Variants in CYBRD1 observed in about 807,000 individuals in gnomAD.
The protein encoded by CYBRD1 is plasma membrane ascorbate-dependent reductase CYBRD1.
Under a neutral mutation model 21.9 loss-of-function variants are expected in CYBRD1, and 14 were observed. The ratio of observed to expected loss-of-function variants is 0.64; its 90% CI spans 0.42 to 1.00. The LOEUF is 1.00. Ranked by LOEUF, CYBRD1 falls within the 50% of genes least tolerant of loss-of-function variation. The pLI is 0.00. For missense variants in CYBRD1, 328 were observed against 352.5 expected, an observed-to-expected ratio of 0.93 and a Z score of 0.56; for synonymous variants, 146 against 136.5, an observed-to-expected ratio of 1.07 and a Z score of -0.48.
chr2:171,555,546 A>G lies in CYBRD1; in HGVS notation c.*719A>G, dbSNP rs1240295641. On this transcript the variant is annotated 3_prime_UTR_variant, in exon 4 of 4. Coordinates refer to ENST00000321348, the MANE Select transcript of CYBRD1 (RefSeq NM_024843.4). ...CTAGGGTTGATGTACTTTATGATCC[A>G]GATGCTAAACTTCTTAGAATGAAAA... 1 of 152,304 alleles carries G rather than the reference A, an allele frequency of 6.6e-6. No homozygotes were observed. Among genetic ancestry groups the G allele is most frequent in the African/African-American group, 2.4e-5 (1 of 41,460 alleles). The allele number at this position is 152,304 out of a possible 1,614,324, so 9.4% of individuals were successfully genotyped here.
At chr2:171,544,977 A>G (rs1460046384) in intron 2 of CYBRD1, among the ~76,000 whole-genome samples, 1 of 152,000 alleles carries the variant, frequency 6.6e-6, no homozygotes, top group African/African-American at 2.4e-5. Context: ...CGTCTGTACA[A>G]AAGATATAAA....
At chr2:171,530,339 A>G (rs749560481) in intron 1 of CYBRD1, among the ~76,000 whole-genome samples, 1 of 152,230 alleles carries the variant, frequency 6.6e-6, no homozygotes, top group Non-Finnish European at 1.5e-5. Context: ...GGGAAGCCCA[A>G]AGTATTGGCA....
intron 2 of CYBRD1, among the ~76,000 whole-genome samples, chr2:171,546,259 T>G (rs2105342888): frequency 6.6e-6 from 1 of 152,342 alleles, no homozygotes; most frequent in South Asian, 2.1e-4. Flanking sequence ...GTTACTTCTC[T>G]GAATTTCTTT....
chr2:171,554,132 A>G (rs565115225), intron 3 of CYBRD1, among the ~76,000 whole-genome samples: 1 of 152,270 alleles, frequency 6.6e-6, no homozygotes, highest in Non-Finnish European at 1.5e-5. Flanking sequence ...AGATACTTTC[A>G]ATTTTCCATC....
At chr2:171,526,491 A>G in intron 1 of CYBRD1, among the ~76,000 whole-genome samples, 1 of 150,194 alleles carries the variant, frequency 6.7e-6, no homozygotes, top group East Asian at 2.0e-4. Flanking sequence ...TGGAATATGT[A>G]TATATTCTAA....
At chr2:171,535,046 A>G (rs895271854) in intron 1 of CYBRD1, among the ~76,000 whole-genome samples, 7 of 152,186 alleles carry the variant, frequency 4.6e-5, no homozygotes, top group Non-Finnish European at 1.0e-4. Flanking sequence ...GTCTCAAAAT[A>G]GATGAATGAA....
At chr2:171,551,192 T>G (rs1683360377) in intron 2 of CYBRD1, 1 of 153,744 alleles carries the variant, frequency 6.5e-6, no homozygotes, top group African/African-American at 2.4e-5. Flanking sequence ...CAAGTGATCT[T>G]CCCACCTTGG....
In CYBRD1 at chr2:171,541,704, T is replaced by A; in HGVS notation, c.313T>A (p.Phe105Ile). 1 of 1,613,788 alleles carries A rather than the reference T, an allele frequency of 6.2e-7. No individual in the cohort carries two copies. The highest frequency in any genetic ancestry group is 8.5e-7 in the Non-Finnish European group (1 of 1,179,982). ...TGCAATTATCTCTGTGGTGGCCGTG[T>A]TTGAGAACCACAATGTTAACAATAT... The part of the protein sequence containing the change: ...ILAIISVVAV[F>I]ENHNVNNIAN... The change falls in exon 2 of 4, where the codon TTT becomes ATT. Residue 105 changes from phenylalanine to isoleucine, a missense_variant. Transcript: ENST00000321348.
At chr2:171,536,331 G>A (rs778164815) in intron 1 of CYBRD1, among the ~76,000 whole-genome samples, 20 of 151,464 alleles carry the variant, frequency 1.3e-4, no homozygotes, top group Non-Finnish European at 2.8e-4. Flanking sequence ...TTGAGACAGA[G>A]TCTGGTTCTG....
At chr2:171,525,196 C>G (rs761752070) in intron 1 of CYBRD1, among the ~76,000 whole-genome samples, 2 of 152,200 alleles carry the variant, frequency 1.3e-5, no homozygotes, top group Non-Finnish European at 2.9e-5. Context: ...CCTCGGCCCC[C>G]CAGACTGCTG....
At position 171,555,227 on chromosome 2, in the gene CYBRD1, C is replaced by A. The variant is rs950163; in HGVS notation, c.*400C>A. On this transcript the variant is annotated 3_prime_UTR_variant, in exon 4 of 4. Coordinates refer to ENST00000321348, the MANE Select transcript of CYBRD1 (RefSeq NM_024843.4). ...TGGGAGACAATGATTTCACAACTAG[C>A]GGGAAGCAGTCCTAAAAGTTTAAAA... 0.67 allele frequency: 175,546 copies of A among 262,172 alleles called. 59,876 individuals are homozygous for A. Among genetic ancestry groups the A allele is most frequent in the African/African-American group, 0.8 (34,990 of 43,980 alleles). 16.2% of individuals were successfully genotyped at this position (262,172 alleles called of 1,614,324 possible). A position where few individuals can be genotyped will look rare whatever the true frequency, so the allele number is the denominator to read the frequency against.
At chr2:171,527,754 A>G (rs1460505759) in intron 1 of CYBRD1, among the ~76,000 whole-genome samples, 1 of 152,112 alleles carries the variant, frequency 6.6e-6, no homozygotes, top group Admixed American at 6.5e-5. Context: ...TATAATTTCT[A>G]TCATCTTCGA....
chr2:171,540,731 G>A (rs1360801850), intron 1 of CYBRD1: 2 of 140,170 alleles, frequency 1.4e-5, no homozygotes, highest in Non-Finnish European at 3.1e-5. Flanking sequence ...GTTTAAATTT[G>A]CATGTTTTTC....
intron 1 of CYBRD1, among the ~76,000 whole-genome samples, chr2:171,530,834 G>A (rs1270028227): frequency 6.6e-6 from 1 of 152,112 alleles, no homozygotes; most frequent in African/African-American, 2.4e-5. Context: ...ACTTGACTTT[G>A]CAAGGTTTTA....
rs1697328169 is a variant in CYBRD1, at chr2:171,522,812, C to T, written c.193+74C>T. Reference sequence around the variant, plus strand: ...CGGGGGCAGAGGGTCCTCCGTGAAGCCCCTTCCAGCTGAGGAAGTGCTGGA... The same window carrying T: ...CGGGGGCAGAGGGTCCTCCGTGAAGTCCCTTCCAGCTGAGGAAGTGCTGGA... On this transcript the variant is annotated intron_variant, in intron 1 of 3. Transcript: ENST00000321348. The surrounding 1 kb of genome is among the most constrained non-coding windows in gnomAD (Gnocchi z 4.3). 6.3e-7 allele frequency: 1 copy of T among 1,593,264 alleles called. No homozygotes were observed. Among genetic ancestry groups the T allele is most frequent in the Non-Finnish European group, 8.5e-7 (1 of 1,169,676 alleles).
At chr2:171,523,327 C>G (rs1460590782) in intron 1 of CYBRD1, 1 of 369,482 alleles carries the variant, frequency 2.7e-6, no homozygotes, top group Admixed American at 3.8e-5. Context: ...AGGGGCTGGC[C>G]AAGGGGGGCG....
At chr2:171,531,686 G>T (rs1023599990) in intron 1 of CYBRD1, among the ~76,000 whole-genome samples, 2 of 152,072 alleles carry the variant, frequency 1.3e-5, no homozygotes, top group African/African-American at 4.8e-5. Flanking sequence ...TTTAGAGCTG[G>T]CTGGGACCTT....
At chr2:171,537,690 A>G (rs531258438) in intron 1 of CYBRD1, among the ~76,000 whole-genome samples, 1 of 152,346 alleles carries the variant, frequency 6.6e-6, no homozygotes, top group East Asian at 1.9e-4. Flanking sequence ...GGTGAAGAGT[A>G]TATGAGATTT....
chr2:171,524,173 C>T (rs1184184751), intron 1 of CYBRD1, among the ~76,000 whole-genome samples: 1 of 152,030 alleles, frequency 6.6e-6, no homozygotes, highest in Non-Finnish European at 1.5e-5. Flanking sequence ...CAAAGGCTTC[C>T]CTGGTGTGAG....
Sources: allele counts gnomAD v4.1 joint callset (sites outside exome capture counted in the v4.1 genomes callset), GRCh38; gene constraint gnomAD v4.1.1; non-coding constraint Gnocchi (gnomAD v3.1); transcripts MANE v1.5; gene names NCBI Gene and HGNC (gene_info 2026-07-23, HGNC 2026-07-21).